Variants in LOC400499 observed in about 807,000 individuals in gnomAD.
chr16:11,401,733 C>A, the LOC400499 span, among the ~76,000 whole-genome samples: 1 of 152,216 alleles, frequency 6.6e-6, no homozygotes, highest in African/African-American at 2.4e-5. Flanking sequence ...CATCTGAACA[C>A]GGGCCCATTA....
At chr16:11,420,893 G>T in the LOC400499 span, among the ~76,000 whole-genome samples, 7 of 152,200 alleles carry the variant, frequency 4.6e-5, no homozygotes, top group Non-Finnish European at 1.0e-4. Flanking sequence ...TAGGCAGAAG[G>T]ACCACCACAG....
the LOC400499 span, chr16:11,439,373 C>G: frequency 1.0e-5 from 4 of 396,744 alleles, no homozygotes; most frequent in African/African-American, 2.1e-5. Context: ...AGTGTGGGCT[C>G]CCTCCCTCGG....
the LOC400499 span, chr16:11,457,049 G>A: frequency 6.6e-7 from 1 of 1,510,418 alleles, no homozygotes; most frequent in Non-Finnish European, 8.8e-7. Context: ...ACTGGAGAAT[G>A]CCCACCCCCC....
At chr16:11,473,492 C>G in the LOC400499 span, among the ~76,000 whole-genome samples, 1 of 152,214 alleles carries the variant, frequency 6.6e-6, no homozygotes, top group South Asian at 2.1e-4. Flanking sequence ...ACAGCTCACT[C>G]ATAATGGAGT....
At chr16:11,436,177 T>G in the LOC400499 span, among the ~76,000 whole-genome samples, 1 of 152,132 alleles carries the variant, frequency 6.6e-6, no homozygotes, top group Non-Finnish European at 1.5e-5. Flanking sequence ...GGGTCACATA[T>G]GCCACCTGAG....
chr16:11,427,821 G>C, the LOC400499 span, among the ~76,000 whole-genome samples: 1 of 152,196 alleles, frequency 6.6e-6, no homozygotes, highest in Non-Finnish European at 1.5e-5. Context: ...AGAGCAGGGA[G>C]AATTGTAAGC....
chr16:11,466,295 AAT>A, the LOC400499 span, among the ~76,000 whole-genome samples: 2 of 152,224 alleles, frequency 1.3e-5, no homozygotes, highest in Non-Finnish European at 2.9e-5. Flanking sequence ...CAATGAGGAC[AAT>A]GTTTCAGAGC....
chr16:11,419,622 GCTT>G, the LOC400499 span, among the ~76,000 whole-genome samples: 34 of 152,162 alleles, frequency 2.2e-4, no homozygotes, highest in Non-Finnish European at 4.6e-4. Context: ...AAACTGAAGA[GCTT>G]CTGCACGGCA....
At chr16:11,385,542 T>C in the LOC400499 span, 629 of 562,552 alleles carry the variant, frequency 1.1e-3, 1 homozygote, top group African/African-American at 8.0e-3. Flanking sequence ...AGGCCTGGAT[T>C]CCCCCTCCCC....
At chr16:11,494,473 G>C in the LOC400499 span, 1 of 391,322 alleles carries the variant, frequency 2.6e-6, no homozygotes, top group East Asian at 3.6e-5. Context: ...AAGGGGCAAA[G>C]GGGGGAACCC....
chr16:11,383,817 C>T, the LOC400499 span: 1 of 1,232,308 alleles, frequency 8.1e-7, no homozygotes, highest in African/African-American at 1.5e-5. Context: ...CTGTCCACAC[C>T]CTGAGGAGGG....
chr16:11,383,621 T>TAG, the LOC400499 span: 62 of 1,232,270 alleles, frequency 5.0e-5, no homozygotes, highest in African/African-American at 8.1e-4. Context: ...GGCAGAGTGC[T>TAG]AGATGGCTGG....
chr16:11,478,487 T>G, the LOC400499 span: 1 of 398,872 alleles, frequency 2.5e-6, no homozygotes, highest in Non-Finnish European at 4.4e-6. Flanking sequence ...CTTTGCCAAG[T>G]GTCACAGGGC....
chr16:11,481,209 G>C, the LOC400499 span, among the ~76,000 whole-genome samples: 5 of 152,238 alleles, frequency 3.3e-5, no homozygotes, highest in African/African-American at 1.2e-4. Flanking sequence ...AGGGGCTGCT[G>C]GGGAGTGACT....
the LOC400499 span, among the ~76,000 whole-genome samples, chr16:11,410,096 A>G: frequency 6.6e-6 from 1 of 152,172 alleles, no homozygotes; most frequent in Non-Finnish European, 1.5e-5. Context: ...GTGAGCTATG[A>G]TCACGTCACC....
At chr16:11,402,702 C>T in the LOC400499 span, among the ~76,000 whole-genome samples, 3,572 of 152,300 alleles carry the variant, frequency 0.023, 130 homozygotes, top group African/African-American at 0.076. Context: ...CGGAGCCGCC[C>T]GCTCACCCTA....
At chr16:11,435,160 T>TGCAC in the LOC400499 span, among the ~76,000 whole-genome samples, 1 of 151,992 alleles carries the variant, frequency 6.6e-6, no homozygotes, top group African/African-American at 2.4e-5. Context: ...TTAAAAATTT[T>TGCAC]CTGTACAGAT....
the LOC400499 span, chr16:11,401,452 T>G: frequency 5.0e-6 from 2 of 399,414 alleles, no homozygotes; most frequent in East Asian, 7.1e-5. Flanking sequence ...CCAGACAGAC[T>G]GCACCTCTTT....
At chr16:11,440,396 C>A in the LOC400499 span, among the ~76,000 whole-genome samples, 6 of 152,330 alleles carry the variant, frequency 3.9e-5, no homozygotes, top group African/African-American at 1.4e-4. Context: ...AAGCCTCCTA[C>A]ATAATTCTCC....
Sources: allele counts gnomAD v4.1 joint callset (sites outside exome capture counted in the v4.1 genomes callset), GRCh38; gene constraint gnomAD v4.1.1; transcripts MANE v1.5.